Variants in CDH12 observed in about 807,000 individuals in gnomAD.
The protein encoded by CDH12 is cadherin 12.
A neutral mutation model predicts 74.1 loss-of-function variants in CDH12; 41 were observed. The ratio of observed to expected loss-of-function variants is 0.55; its 90% CI spans 0.43 to 0.72. The LOEUF (loss-of-function observed/expected upper bound fraction) is 0.72. CDH12 is among the 30% of genes least tolerant of loss of function. CDH12 has a pLI of 0.00. For synonymous variants in CDH12, 399 were observed against 355.0 expected (o/e 1.12, Z -1.39); for missense variants, 945 against 977.2 (o/e 0.97, Z 0.44).
At chr5:22,441,989 C>A (rs1242460951) in intron 2 of CDH12, among the ~76,000 whole-genome samples, 2 of 152,180 alleles carry the variant, frequency 1.3e-5, no homozygotes, top group East Asian at 1.9e-4. Context: ...CAAGCATGAG[C>A]CATGGAGCGT....
intron 5 of CDH12, among the ~76,000 whole-genome samples, chr5:22,077,515 T>C (rs1043298667): frequency 1.6e-4 from 25 of 152,122 alleles, no homozygotes; most frequent in African/African-American, 5.5e-4. Context: ...AATTATGACT[T>C]TGGATTTATT....
At chr5:21,998,565 A>T (rs1459316282) in intron 5 of CDH12, among the ~76,000 whole-genome samples, 3 of 152,134 alleles carry the variant, frequency 2.0e-5, no homozygotes, top group Admixed American at 6.6e-5. Context: ...TAAAATTTTT[A>T]AAAATGTCTG....
chr5:22,811,615 C>G (rs1749153006), intron 1 of CDH12, among the ~76,000 whole-genome samples: 1 of 152,130 alleles, frequency 6.6e-6, no homozygotes, highest in African/African-American at 2.4e-5. Flanking sequence ...AATGCTTTCA[C>G]TGTATTTTAT....
chr5:21,988,133 C>T lies in CDH12; in HGVS notation c.232-12748G>A, dbSNP rs541480209. 1.2e-3 allele frequency among the ~76,000 whole-genome samples: 190 copies of T among 152,238 alleles called. No homozygotes were observed. The Middle Eastern group carries it at 0.014, about 11-fold the overall frequency. The stretch of plus-strand genomic sequence containing the variant: ...CGTAGTAGTGAAAACTACTCCCCTC[C>T]TCCCCCCATATAACACTACAACAGG... On this transcript the variant is annotated intron_variant, in intron 5 of 14. Transcript: ENST00000382254.
At chr5:22,562,108 G>A (rs948581910) in intron 1 of CDH12, among the ~76,000 whole-genome samples, 1 of 152,160 alleles carries the variant, frequency 6.6e-6, no homozygotes, top group Non-Finnish European at 1.5e-5. Flanking sequence ...ATGAGGTCAG[G>A]AGATCGAGAC....
At chr5:22,708,944 C>T (rs550713205) in intron 1 of CDH12, among the ~76,000 whole-genome samples, 55 of 152,266 alleles carry the variant, frequency 3.6e-4, no homozygotes, top group African/African-American at 1.3e-3. Flanking sequence ...GTTCTTGATT[C>T]AGAACAAGGG....
chr5:21,920,667 T>TAATAATAATAATAATAATA (rs879631258), intron 6 of CDH12, among the ~76,000 whole-genome samples: 2 of 145,476 alleles, frequency 1.4e-5, no homozygotes, highest in Admixed American at 1.4e-4. Context: ...GAACTTAAAG[T>TAATAATAATAATAATAATA]ATGATAATAA....
intron 3 of CDH12, among the ~76,000 whole-genome samples, chr5:22,324,986 G>T (rs778140531): frequency 7.2e-5 from 11 of 152,132 alleles, no homozygotes; most frequent in Non-Finnish European, 1.2e-4. Context: ...TATACCTATA[G>T]AATGCCATTC....
At chr5:22,707,468 G>A (rs1023952548) in intron 1 of CDH12, among the ~76,000 whole-genome samples, 3 of 152,104 alleles carry the variant, frequency 2.0e-5, no homozygotes, top group Non-Finnish European at 4.4e-5. Context: ...CATCTAAAGT[G>A]TATGCAGTAA....
chr5:22,366,186 T>C (rs556743671), intron 3 of CDH12, among the ~76,000 whole-genome samples: 19 of 152,304 alleles, frequency 1.2e-4, no homozygotes, highest in Admixed American at 4.6e-4. Context: ...GTTGAACTCC[T>C]GACCTCATGA....
At chr5:22,063,598 A>G (rs565024826) in intron 5 of CDH12, among the ~76,000 whole-genome samples, 4 of 151,938 alleles carry the variant, frequency 2.6e-5, no homozygotes, top group Non-Finnish European at 5.9e-5. Context: ...CTTCTCTTTT[A>G]CATCTTACTG....
intron 1 of CDH12, among the ~76,000 whole-genome samples, chr5:22,669,681 G>A (rs148307136): frequency 3.9e-5 from 6 of 152,248 alleles, no homozygotes; most frequent in African/African-American, 1.4e-4. Flanking sequence ...ATTTCATACC[G>A]TGGAACTAAC....
chr5:22,559,521 T>A (rs1325076961), intron 1 of CDH12, among the ~76,000 whole-genome samples: 1 of 152,084 alleles, frequency 6.6e-6, no homozygotes, highest in Admixed American at 6.6e-5. Flanking sequence ...AAGAGTGCTA[T>A]GAATCTTTCA....
At chr5:22,384,418 C>T (rs981679919) in intron 3 of CDH12, among the ~76,000 whole-genome samples, 4 of 144,950 alleles carry the variant, frequency 2.8e-5, no homozygotes, top group African/African-American at 7.6e-5. Flanking sequence ...CCCAGCTACT[C>T]GGGAGGCTGA....
chr5:22,779,521 G>T (rs1163502567), intron 1 of CDH12, among the ~76,000 whole-genome samples: 2 of 152,060 alleles, frequency 1.3e-5, no homozygotes, highest in Non-Finnish European at 2.9e-5. Context: ...ATATAGTTTG[G>T]CTCTGTGTCC....
chr5:22,180,991 TA>T (rs2150337568), intron 4 of CDH12, among the ~76,000 whole-genome samples: 1 of 152,272 alleles, frequency 6.6e-6, no homozygotes, highest in Non-Finnish European at 1.5e-5. Context: ...ACTACTTAAC[TA>T]AATCCTTCCC....
intron 6 of CDH12, among the ~76,000 whole-genome samples, chr5:21,950,133 C>G (rs187157794): frequency 1.4e-3 from 211 of 151,760 alleles, no homozygotes; most frequent in Middle Eastern, 0.014. Context: ...CATTGTGTTG[C>G]AAATGCCTAC....
At chr5:22,847,803 T>A (rs1737373925) in intron 1 of CDH12, among the ~76,000 whole-genome samples, 1 of 152,194 alleles carries the variant, frequency 6.6e-6, no homozygotes, top group Non-Finnish European at 1.5e-5. Context: ...TAAACTTTCA[T>A]GTTCACTAAA....
At chr5:22,354,225 G>A (rs991876008) in intron 3 of CDH12, among the ~76,000 whole-genome samples, 3 of 152,092 alleles carry the variant, frequency 2.0e-5, no homozygotes, top group Admixed American at 6.6e-5. Context: ...AATAAGACAG[G>A]AAATAATTTT....
Sources: allele counts gnomAD v4.1 joint callset (sites outside exome capture counted in the v4.1 genomes callset), GRCh38; gene constraint gnomAD v4.1.1; transcripts MANE v1.5; gene names NCBI Gene and HGNC (gene_info 2026-07-23, HGNC 2026-07-21).